POM121C: variants seen among roughly 807,000 people sequenced by gnomAD.
POM121C encodes nuclear envelope pore membrane protein POM 121C.
Under a neutral mutation model 66.4 loss-of-function variants are expected in POM121C, and 20 were observed. The ratio of observed to expected loss-of-function variants is 0.30; its 90% CI spans 0.21 to 0.44. POM121C has a LOEUF of 0.44. Ranked by LOEUF, POM121C falls within the 20% of genes least tolerant of loss-of-function variation. The pLI, the probability that POM121C is intolerant of heterozygous loss-of-function variation, is 1.00. For missense variants in POM121C, 580 were observed against 1,225.7 expected, an observed-to-expected ratio of 0.47 and a Z score of 7.87; for synonymous variants, 286 against 528.0, an observed-to-expected ratio of 0.54 and a Z score of 6.28.
Position 75,441,118 on chromosome 7 carries a change from A to G in POM121C, c.66-3T>C. ...TTGAGCTGATTATCTGCTCTGGTCT[A>G]TAATGAAAGACAAGATTCTAGCCGT... On this transcript the variant is annotated splice_polypyrimidine_tract_variant and splice_region_variant and intron_variant, in intron 4 of 14. Transcript: ENST00000615331. 1 of 1,612,368 alleles carries G rather than the reference A, an allele frequency of 6.2e-7. No individual in the cohort carries two copies. The highest frequency in any genetic ancestry group is 1.1e-5 in the South Asian group (1 of 90,708).
chr7:75,465,494 C>G (rs2116495485), intron 3 of POM121C, among the ~76,000 whole-genome samples: 1 of 151,562 alleles, frequency 6.6e-6, no homozygotes, highest in Non-Finnish European at 1.5e-5. Flanking sequence ...GTGGCTCACA[C>G]CTGTAATCCC....
intron 6 of POM121C, among the ~76,000 whole-genome samples, chr7:75,438,841 T>C (rs1356478394): frequency 6.6e-6 from 1 of 152,232 alleles, no homozygotes; most frequent in East Asian, 1.9e-4. Context: ...CATTTAAGTT[T>C]CATACTGTCT....
At position 75,442,265 on chromosome 7, in the gene POM121C, C is replaced by T; in HGVS notation, c.-151-618G>A. ...GCGCGGCGCCGGGCGGGCGGGTGGG[C>T]GGCGGCCAGGCCTATTCCGCAGGTC... is the stretch of plus-strand genomic sequence containing the variant. On this transcript the variant is annotated intron_variant, in intron 3 of 14. Transcript: ENST00000615331. 2.8e-6 allele frequency: 4 copies of T among 1,440,192 alleles called. No individual in the cohort carries two copies. In the South Asian group the frequency reaches 5.6e-5, roughly 20 times the overall value. The allele number at this position is 1,440,192 out of a possible 1,614,324, so 89.2% of individuals were successfully genotyped here. A position where few individuals can be genotyped will look rare whatever the true frequency, so the allele number is the denominator to read the frequency against.
chr7:75,463,254 G>T (rs1791507536), intron 3 of POM121C, among the ~76,000 whole-genome samples: 1 of 152,036 alleles, frequency 6.6e-6, no homozygotes, highest in Non-Finnish European at 1.5e-5. Context: ...CTCAGGCAGA[G>T]AATCACTTGA....
intron 1 of POM121C, among the ~76,000 whole-genome samples, chr7:75,482,774 C>G (rs1792359192): frequency 6.6e-6 from 1 of 151,832 alleles, no homozygotes; most frequent in African/African-American, 2.4e-5. Context: ...TTTTAAAAGC[C>G]AAGAAAAGAG....
intron 3 of POM121C, among the ~76,000 whole-genome samples, chr7:75,461,762 T>C (rs1791452091): frequency 6.6e-6 from 1 of 151,992 alleles, no homozygotes; most frequent in Non-Finnish European, 1.5e-5. Context: ...AAATACGTTC[T>C]GTGACTGTAA....
chr7:75,439,324 A>G, intron 5 of POM121C, 100 bp from the exon 6 acceptor site: 1 of 1,494,988 alleles, frequency 6.7e-7, no homozygotes. Context: ...ATCTCTATGG[A>G]GCACAGATTC....
intron 3 of POM121C, among the ~76,000 whole-genome samples, chr7:75,452,411 G>A (rs1244338874): frequency 1.3e-5 from 2 of 152,210 alleles, no homozygotes; most frequent in Admixed American, 6.5e-5. Context: ...AGGAGGAGCC[G>A]AGATCGCGCC....
At chr7:75,484,710 G>A (rs1792449492) in intron 1 of POM121C, among the ~76,000 whole-genome samples, 1 of 150,504 alleles carries the variant, frequency 6.6e-6, no homozygotes, top group Admixed American at 6.6e-5. Context: ...GCATGCGCCT[G>A]TAACTCTAAG....
rs1790944530 is a variant in POM121C at position 75,449,392 on chromosome 7, T to C, written c.-151-7745A>G. The stretch of plus-strand genomic sequence containing the variant: ...TTTTTTTTTTTTTTTTGAGACTGAG[T>C]CTCACTCTGTCACCCAGGCTGGAGT... On this transcript the variant is annotated intron_variant, in intron 3 of 14. Transcript: ENST00000615331. Among the ~76,000 whole-genome samples the C allele has an allele frequency of 2.0e-5, 3 of 146,700 alleles. No homozygotes were observed. In the South Asian group the frequency reaches 6.5e-4, roughly 32 times the overall value.
Position 75,440,848 on chromosome 7 carries a change from G to A in POM121C, c.227+106C>T. ...AAAGCCAAAGAAGGAGGCCTATGAA[G>A]GCTCACAAACTGGACGTGGCCTCTG... On this transcript the variant is annotated intron_variant, in intron 5 of 14. Coordinates refer to ENST00000615331, the MANE Select transcript of POM121C (RefSeq NM_001099415.3). 3.2e-6 allele frequency: 5 copies of A among 1,585,048 alleles called. No individual in the cohort carries two copies. The South Asian group carries it at 4.5e-5, about 14-fold the overall frequency.
At position 75,485,945 on chromosome 7, in the gene POM121C, G is replaced by A. The variant is rs587648615; in HGVS notation, c.-539C>T. ...CTGTCGCTGGCGCGCGCGTCTGCTC[G>A]CGAGGTCCCCTCCTGTCCACCTCAC... On this transcript the variant is annotated 5_prime_UTR_variant, in exon 1 of 15. Transcript: ENST00000615331. 4.6e-4 allele frequency: 231 copies of A among 498,754 alleles called. No homozygotes were observed. The highest frequency in any genetic ancestry group is 4.0e-3 in the African/African-American group (209 of 51,782). The allele number at this position is 498,754 out of a possible 1,614,324, so 30.9% of individuals were successfully genotyped here. A position where few individuals can be genotyped will look rare whatever the true frequency, so the allele number is the denominator to read the frequency against.
At chr7:75,479,663 TAAC>T (rs1792237497) in intron 1 of POM121C, among the ~76,000 whole-genome samples, 1 of 150,066 alleles carries the variant, frequency 6.7e-6, no homozygotes, top group African/African-American at 2.5e-5. Context: ...ACAGTTTAAT[TAAC>T]AACAACGTAA....
chr7:75,466,338 G>A (rs1446405218), intron 3 of POM121C, among the ~76,000 whole-genome samples: 1 of 151,758 alleles, frequency 6.6e-6, no homozygotes, highest in Non-Finnish European at 1.5e-5. Flanking sequence ...GGGAGGGGTG[G>A]CTCACACCTC....
rs1789560915 is a variant in POM121C, at chr7:75,418,425, G to A, written c.*371C>T. The A allele has an allele frequency of 5.8e-6, 6 of 1,031,116 alleles. No individual in the cohort carries two copies. The highest frequency in any genetic ancestry group is 1.7e-5 in the African/African-American group (1 of 58,620). The allele number at this position is 1,031,116 out of a possible 1,614,324, so 63.9% of individuals were successfully genotyped here. A position where few individuals can be genotyped will look rare whatever the true frequency, so the allele number is the denominator to read the frequency against. On this transcript the variant is annotated 3_prime_UTR_variant, in exon 15 of 15. Coordinates refer to ENST00000615331, the MANE Select transcript of POM121C (RefSeq NM_001099415.3). ...TGCACACCACCGATCCAGGCGGGCT[G>A]GACCCTGCCCCCTCCAGCGACGACG...
At position 75,439,235 on chromosome 7, in the gene POM121C, T is replaced by C. The variant is rs1790535542; in HGVS notation, c.228-11A>G. 5 of 1,614,000 alleles carry C rather than the reference T, an allele frequency of 3.1e-6. No homozygotes were observed. Among genetic ancestry groups the C allele is most frequent in the Non-Finnish European group, 4.2e-6 (5 of 1,179,958 alleles). Reference sequence around the variant, plus strand: ...CTGCTATCATGGCGCCTGCGACAAATCAAAAAAGTCTCAAATGAAATGACA... The same window carrying C: ...CTGCTATCATGGCGCCTGCGACAAACCAAAAAAGTCTCAAATGAAATGACA... On this transcript the variant is annotated splice_polypyrimidine_tract_variant and intron_variant, in intron 5 of 14. Coordinates refer to ENST00000615331, the MANE Select transcript of POM121C (RefSeq NM_001099415.3).
At chr7:75,458,868 G>A (rs1274331457) in intron 3 of POM121C, among the ~76,000 whole-genome samples, 2 of 152,170 alleles carry the variant, frequency 1.3e-5, no homozygotes, top group African/African-American at 2.4e-5. Context: ...ACACTAAGAT[G>A]ACAAAGATAT....
At chr7:75,461,936 T>C (rs1215863405) in intron 3 of POM121C, among the ~76,000 whole-genome samples, 1 of 149,516 alleles carries the variant, frequency 6.7e-6, no homozygotes, top group African/African-American at 2.5e-5. Flanking sequence ...TTGACTGGTA[T>C]CAGCAAAAAT....
intron 3 of POM121C, among the ~76,000 whole-genome samples, chr7:75,467,930 G>C (rs587625415): frequency 6.6e-6 from 1 of 151,982 alleles, no homozygotes; most frequent in Non-Finnish European, 1.5e-5. Context: ...AGGAGTTTGA[G>C]ACCAGCCTGA....
Sources: gnomAD v4.1 joint callset for allele counts (sites outside exome capture counted in the v4.1 genomes callset) on GRCh38, gnomAD v4.1.1 for gene constraint, MANE v1.5 for transcripts, NCBI Gene and HGNC (gene_info 2026-07-23, HGNC 2026-07-21) for gene names.